The following RNF2 variants were observed in gnomAD, a reference collection of about 807,000 sequenced individuals.
RNF2 encodes E3 ubiquitin-protein ligase RING2.
A neutral mutation model predicts 37.2 loss-of-function variants in RNF2; 6 were observed. That is an observed-to-expected ratio of 0.16 (90% CI 0.09 to 0.32). The LOEUF is 0.32. Among genes scored for constraint, RNF2 ranks in the 10% least tolerant of loss-of-function variants. The pLI is 1.00. For missense variants in RNF2, 251 were observed against 404.0 expected, an observed-to-expected ratio of 0.62 and a Z score of 3.25; for synonymous variants, 133 against 132.7, an observed-to-expected ratio of 1.00 and a Z score of -0.02.
chr1:185,098,989 A>G (rs1019258495), intron 5 of RNF2, among the ~76,000 whole-genome samples: 7 of 148,642 alleles, frequency 4.7e-5, no homozygotes, highest in Non-Finnish European at 7.4e-5. Flanking sequence ...TGACCTCGTG[A>G]TCCGCCTGCC....
intron 1 of RNF2, among the ~76,000 whole-genome samples, chr1:185,058,733 G>C (rs1475308675): frequency 6.6e-6 from 1 of 152,184 alleles, no homozygotes; most frequent in Non-Finnish European, 1.5e-5. Flanking sequence ...TCAAAGTCTA[G>C]TTGCTTATAA....
intron 1 of RNF2, among the ~76,000 whole-genome samples, chr1:185,069,446 A>G (rs1312855249): frequency 6.7e-6 from 1 of 149,024 alleles, no homozygotes; most frequent in African/African-American, 2.5e-5. Flanking sequence ...GATAAGAGTG[A>G]GACCCTGTCT....
rs1157068602 is a variant in RNF2, at chr1:185,102,565, CTG to C, written c.*2269_*2270del. On this transcript the variant is annotated 3_prime_UTR_variant, in exon 7 of 7. Transcript: ENST00000367510. ...TTTTTCATCACCCCAAACAGAAACT[CTG>C]TGTGCAATTAAAGTAATGCATTTCT... The C allele has an allele frequency of 2.0e-5, 3 of 152,126 alleles. No individual in the cohort carries two copies. Among genetic ancestry groups the C allele is most frequent in the African/African-American group, 7.2e-5 (3 of 41,452 alleles). 9.4% of individuals were successfully genotyped at this position (152,126 alleles called of 1,614,324 possible). A position where few individuals can be genotyped will look rare whatever the true frequency, so the allele number is the denominator to read the frequency against.
intron 1 of RNF2, among the ~76,000 whole-genome samples, chr1:185,079,708 T>G (rs1557968885): frequency 6.6e-6 from 1 of 152,178 alleles, no homozygotes; most frequent in Non-Finnish European, 1.5e-5. Context: ...GGTGGGCGGA[T>G]CATCTGAGGT....
intron 1 of RNF2, among the ~76,000 whole-genome samples, chr1:185,078,105 G>GGT (rs1050466662): frequency 7.9e-5 from 12 of 152,174 alleles, no homozygotes; most frequent in African/African-American, 2.9e-4. Context: ...AAATTAGCCA[G>GGT]GTGTAGTGGT....
At chr1:185,046,775 A>T (rs1557956229) in intron 1 of RNF2, among the ~76,000 whole-genome samples, 1 of 152,252 alleles carries the variant, frequency 6.6e-6, no homozygotes, top group Non-Finnish European at 1.5e-5. Flanking sequence ...AAACGAATGT[A>T]CGAGCGATTT....
At chr1:185,083,389 T>C (rs745392792) in intron 1 of RNF2, among the ~76,000 whole-genome samples, 1 of 152,164 alleles carries the variant, frequency 6.6e-6, no homozygotes, top group African/African-American at 2.4e-5. Flanking sequence ...CGTATTTTGT[T>C]TTAGCCTATG....
At chr1:185,062,479 T>A (rs1650636877) in intron 1 of RNF2, among the ~76,000 whole-genome samples, 1 of 151,776 alleles carries the variant, frequency 6.6e-6, no homozygotes, top group Non-Finnish European at 1.5e-5. Flanking sequence ...AACTAAACAA[T>A]GATGTTGGGA....
intron 1 of RNF2, among the ~76,000 whole-genome samples, chr1:185,050,212 A>C (rs1650234644): frequency 6.6e-6 from 1 of 152,284 alleles, no homozygotes; most frequent in African/African-American, 2.4e-5. Context: ...TAGAAAAATG[A>C]ATCGAAAAAG....
intron 1 of RNF2, among the ~76,000 whole-genome samples, chr1:185,085,305 T>C (rs530218693): frequency 5.3e-5 from 8 of 151,528 alleles, no homozygotes; most frequent in Admixed American, 5.3e-4. Context: ...CCCGCCACCG[T>C]GCCCAGCTAA....
At chr1:185,067,565 A>G (rs1231458677) in intron 1 of RNF2, among the ~76,000 whole-genome samples, 1 of 152,192 alleles carries the variant, frequency 6.6e-6, no homozygotes, top group Non-Finnish European at 1.5e-5. Context: ...GACAGTAACT[A>G]TGAGAGAAAA....
In RNF2 at chr1:185,098,464, G is replaced by C. The variant is rs564170002; in HGVS notation, c.737+120G>C. 40 of 1,133,454 alleles carry C rather than the reference G, an allele frequency of 3.5e-5. No individual in the cohort carries two copies. The African/African-American group carries it at 5.9e-4, about 17-fold the overall frequency. 70.2% of individuals were successfully genotyped at this position (1,133,454 alleles called of 1,614,324 possible). A position where few individuals can be genotyped will look rare whatever the true frequency, so the allele number is the denominator to read the frequency against. On this transcript the variant is annotated intron_variant, in intron 5 of 6. Transcript: ENST00000367510. ...TCATCCCATTGATTGCAGGGGTTCA[G>C]TTACTAGCTGCCTAGATTGTTGTTT...
At chr1:185,055,321 A>C (rs1307678045) in intron 1 of RNF2, among the ~76,000 whole-genome samples, 2 of 152,210 alleles carry the variant, frequency 1.3e-5, no homozygotes, top group African/African-American at 4.8e-5. Flanking sequence ...TTTGAGCATC[A>C]TGTCCATGTC....
At chr1:185,097,243 G>A (rs907745215) in intron 4 of RNF2, among the ~76,000 whole-genome samples, 2 of 152,192 alleles carry the variant, frequency 1.3e-5, no homozygotes, top group African/African-American at 4.8e-5. Flanking sequence ...ATCTGAGCTT[G>A]TTAGAGAGCA....
Position 185,067,431 on chromosome 1 carries a change from TTTAA to T in RNF2, c.-2-20116_-2-20113del, listed in dbSNP as rs1231733329. Among the ~76,000 whole-genome samples, 5 of 152,326 alleles carry T rather than the reference TTTAA, an allele frequency of 3.3e-5. No individual in the cohort carries two copies. The East Asian group carries it at 9.6e-4, about 29-fold the overall frequency. ...CCTGTATCCTGTAAGCAAGCATTGC[TTTAA>T]TTAAGGAAGAAATTATTTGCTCATT... On this transcript the variant is annotated intron_variant, in intron 1 of 6. Coordinates refer to ENST00000367510, the MANE Select transcript of RNF2 (RefSeq NM_007212.4).
At chr1:185,057,408 T>C (rs773965067) in intron 1 of RNF2, among the ~76,000 whole-genome samples, 1 of 152,224 alleles carries the variant, frequency 6.6e-6, no homozygotes, top group African/African-American at 2.4e-5. Flanking sequence ...GTATGAACCA[T>C]AGTATATTTA....
chr1:185,091,460 G>A, intron 2 of RNF2, 119 bp from the exon 3 acceptor site: 1 of 904,828 alleles, frequency 1.1e-6, no homozygotes, highest in Non-Finnish European at 1.6e-6. Context: ...GACAATGGCA[G>A]TGGCTGGGTG....
chr1:185,078,529 T>C (rs764045210), intron 1 of RNF2, among the ~76,000 whole-genome samples: 2 of 152,176 alleles, frequency 1.3e-5, no homozygotes, highest in Non-Finnish European at 2.9e-5. Flanking sequence ...GTTTAACTCA[T>C]AAAGTATCAG....
chr1:185,055,583 T>A (rs1359492902), intron 1 of RNF2, among the ~76,000 whole-genome samples: 1 of 152,058 alleles, frequency 6.6e-6, no homozygotes. Context: ...CCCAGCTAAT[T>A]TTTGTATTTT....
Sources: allele counts gnomAD v4.1 joint callset (sites outside exome capture counted in the v4.1 genomes callset), GRCh38; gene constraint gnomAD v4.1.1; transcripts MANE v1.5; gene names NCBI Gene and HGNC (gene_info 2026-07-23, HGNC 2026-07-21).